Variants in GLDN observed in about 807,000 individuals in gnomAD.
GLDN encodes gliomedin, also known as collomin.
Under a neutral mutation model 56.5 loss-of-function variants are expected in GLDN, and 47 were observed. The ratio of observed to expected loss-of-function variants is 0.83; its 90% CI spans 0.66 to 1.06. The LOEUF is 1.06. Ranked by LOEUF, GLDN falls within the 50% of genes least tolerant of loss-of-function variation. The pLI is 0.00. For missense variants in GLDN, 782 were observed against 714.3 expected (o/e 1.09, Z -1.08); for synonymous variants, 332 against 278.8 (o/e 1.19, Z -1.90).
chr15:51,387,593 C>G (rs1026347248), intron 4 of GLDN, among the ~76,000 whole-genome samples: 1 of 152,120 alleles, frequency 6.6e-6, no homozygotes, highest in Admixed American at 6.5e-5. Flanking sequence ...GGGTACGCAA[C>G]CTTCCAGGCC....
chr15:51,360,731 C>T (rs1366697839), intron 1 of GLDN, among the ~76,000 whole-genome samples: 2 of 152,196 alleles, frequency 1.3e-5, no homozygotes, highest in Admixed American at 6.5e-5. Flanking sequence ...TCTCACATGC[C>T]TTTCTTATCA....
At chr15:51,390,196 T>A (rs2037987373) in intron 4 of GLDN, among the ~76,000 whole-genome samples, 1 of 152,208 alleles carries the variant, frequency 6.6e-6, no homozygotes, top group Non-Finnish European at 1.5e-5. Flanking sequence ...TTAGGAAGAT[T>A]AAATGAGTTA....
chr15:51,390,257 T>A (rs1052142478), intron 4 of GLDN, among the ~76,000 whole-genome samples: 3 of 152,246 alleles, frequency 2.0e-5, no homozygotes, highest in African/African-American at 7.2e-5. Context: ...AGTGCTATAC[T>A]GGTGTTAGCT....
intron 1 of GLDN, among the ~76,000 whole-genome samples, chr15:51,357,671 G>A (rs1021078792): frequency 1.6e-4 from 24 of 152,132 alleles, no homozygotes; most frequent in African/African-American, 5.1e-4. Flanking sequence ...CTGTCATCCC[G>A]AACTCCCAGC....
chr15:51,378,610 CAG>C (rs1049892472), intron 2 of GLDN, among the ~76,000 whole-genome samples: 152 of 152,194 alleles, frequency 1.0e-3, no homozygotes, highest in African/African-American at 3.6e-3. Context: ...GAGAGATTGG[CAG>C]AGAGTGGGGA....
Position 51,383,439 on chromosome 15 carries a change from CT to C in GLDN, c.421del (p.Ser141LeufsTer163). 1 of 1,614,002 alleles carries C rather than the reference CT, an allele frequency of 6.2e-7. No individual in the cohort carries two copies. The highest frequency in any genetic ancestry group is 1.3e-5 in the African/African-American group (1 of 75,020). ...NSTKGICLTG[P>X]SGPPGPPGAG... ...CTAAATTTTTTTTCCGTTGTAGGACCTTCTGGACCACCAGGTAAGAGCCCAT... is the reference window on the plus strand; with the variant it reads ...CTAAATTTTTTTTCCGTTGTAGGACCTCTGGACCACCAGGTAAGAGCCCAT... On this transcript the variant is annotated frameshift_variant, in exon 3 of 10. Transcript: ENST00000335449. LOFTEE classifies it high-confidence loss of function.
At chr15:51,363,202 A>G (rs1170682430) in intron 1 of GLDN, among the ~76,000 whole-genome samples, 1 of 152,110 alleles carries the variant, frequency 6.6e-6, no homozygotes, top group Non-Finnish European at 1.5e-5. Context: ...TCAGGAAATC[A>G]TGGAGATGCT....
intron 1 of GLDN, among the ~76,000 whole-genome samples, chr15:51,362,052 A>G (rs369649817): frequency 6.6e-6 from 1 of 152,202 alleles, no homozygotes; most frequent in East Asian, 1.9e-4. Context: ...AGAGACTTGA[A>G]GGAGATCAGA....
intron 4 of GLDN, among the ~76,000 whole-genome samples, chr15:51,389,994 G>T (rs541128174): frequency 6.6e-6 from 1 of 152,304 alleles, no homozygotes; most frequent in South Asian, 2.1e-4. Flanking sequence ...AAACATCAAA[G>T]CTTCTCAGGT....
intron 1 of GLDN, among the ~76,000 whole-genome samples, chr15:51,376,919 T>A (rs997325601): frequency 6.6e-6 from 1 of 152,192 alleles, no homozygotes; most frequent in East Asian, 1.9e-4. Flanking sequence ...CCTGAAGACC[T>A]GCCTAAGGCT....
chr15:51,404,545 T>C lies in GLDN; in HGVS notation c.1447T>C (p.Tyr483His). The C allele has an allele frequency of 3.7e-6, 6 of 1,614,194 alleles. No individual in the cohort carries two copies. The highest frequency in any genetic ancestry group is 5.1e-6 in the Non-Finnish European group (6 of 1,180,032). Reference protein sequence around the residue: ...GNAFIARGILYVTDTKDMRVT... With the variant: ...GNAFIARGILHVTDTKDMRVT... ...CGCCTTCATTGCCCGAGGAATCCTC[T>C]ATGTCACAGACACCAAAGATATGAG... Residue 483 changes from tyrosine (Y) to histidine (H), a missense_variant, in exon 10 of 10, where the codon TAT becomes CAT. Coordinates refer to ENST00000335449, the MANE Select transcript of GLDN (RefSeq NM_181789.4).
intron 1 of GLDN, among the ~76,000 whole-genome samples, chr15:51,350,359 G>A (rs1045080404): frequency 6.6e-6 from 1 of 152,174 alleles, no homozygotes; most frequent in Non-Finnish European, 1.5e-5. Context: ...AGGGGTTGGG[G>A]GAGCTGATGA....
rs751337821 is a variant in GLDN, at chr15:51,383,419, T to C, written c.416-17T>C. 5.6e-6 allele frequency: 9 copies of C among 1,612,460 alleles called. No individual in the cohort carries two copies. The highest frequency in any genetic ancestry group is 7.6e-6 in the Non-Finnish European group (9 of 1,178,846). On this transcript the variant is annotated splice_polypyrimidine_tract_variant and intron_variant, in intron 2 of 9. Coordinates refer to ENST00000335449, the MANE Select transcript of GLDN (RefSeq NM_181789.4). ...GTTCGGTGCTGGTTTCTCAACTAAA[T>C]TTTTTTTCCGTTGTAGGACCTTCTG...
In GLDN at chr15:51,400,189, T is replaced by G; in HGVS notation, c.818-3T>G. On this transcript the variant is annotated splice_polypyrimidine_tract_variant and splice_region_variant and intron_variant, in intron 6 of 9. Transcript: ENST00000335449. Reference sequence around the variant, plus strand: ...GCTCTGATGATTATTGTTGTCATTTTAGGTGAGACTTGTGCCATACCAAAT... The same window carrying G: ...GCTCTGATGATTATTGTTGTCATTTGAGGTGAGACTTGTGCCATACCAAAT... The G allele has an allele frequency of 3.1e-6, 5 of 1,613,878 alleles. No individual in the cohort carries two copies. The highest frequency in any genetic ancestry group is 4.2e-6 in the Non-Finnish European group (5 of 1,179,742).
intron 5 of GLDN, among the ~76,000 whole-genome samples, chr15:51,397,250 C>T (rs2038149441): frequency 1.3e-5 from 2 of 152,276 alleles, no homozygotes; most frequent in South Asian, 4.2e-4. Flanking sequence ...TGTGAGGAGG[C>T]AGCTAAAGAG....
chr15:51,358,582 T>C (rs987971171), intron 1 of GLDN, among the ~76,000 whole-genome samples: 5 of 152,166 alleles, frequency 3.3e-5, no homozygotes, highest in African/African-American at 1.2e-4. Flanking sequence ...CAGGGTTCCA[T>C]GGGTGATTGC....
Position 51,394,842 on chromosome 15 carries a change from T to C in GLDN, c.549T>C (p.Pro183=). Residue 183 remains proline (P), a synonymous_variant, in exon 5 of 10, where the codon CCT becomes CCC. Transcript: ENST00000335449. Reference sequence around the variant, plus strand: ...TTTTGTTTTTTTGGTCAGGGATACCTGGAGCTGCAGGAAATCCAGGGGAAA... The same window carrying C: ...TTTTGTTTTTTTGGTCAGGGATACCCGGAGCTGCAGGAAATCCAGGGGAAA... The part of the protein sequence containing the change: ...ANGKRGKMGI[P]GAAGNPGERG... 6.2e-7 allele frequency: 1 copy of C among 1,613,780 alleles called. No homozygotes were observed. Among genetic ancestry groups the C allele is most frequent in the East Asian group, 2.2e-5 (1 of 44,874 alleles).
intron 7 of GLDN, 23 bp from the exon 8 acceptor site, chr15:51,400,350 T>C (rs72729238): frequency 0.024 from 38,119 of 1,614,100 alleles, 550 homozygotes; most frequent in Non-Finnish European, 0.028. Flanking sequence ...GGCAAGTGAC[T>C]TTCTTTTCTC....
At position 51,397,582 on chromosome 15, in the gene GLDN, C is replaced by T. The variant is rs1473567542; in HGVS notation, c.801C>T (p.Phe267=). ...RAKGPRQPSM[F]NGQCPGETCA... is the part of the protein sequence containing the mutation. The stretch of plus-strand genomic sequence containing the variant: ...AAGGCCCTCGGCAGCCAAGCATGTT[C>T]AACGGCCAGTGCCCAGGTCACCACC... The change falls in exon 6 of 10, where the codon TTC becomes TTT. Residue 267 remains phenylalanine (F), a synonymous_variant. Transcript: ENST00000335449. 1.3e-6 allele frequency: 2 copies of T among 1,598,000 alleles called. No homozygotes were observed. The highest frequency in any genetic ancestry group is 8.5e-7 in the Non-Finnish European group (1 of 1,171,092).
Sources: gnomAD v4.1 joint callset for allele counts (sites outside exome capture counted in the v4.1 genomes callset) on GRCh38, gnomAD v4.1.1 for gene constraint, MANE v1.5 for transcripts, NCBI Gene and HGNC (gene_info 2026-07-23, HGNC 2026-07-21) for gene names.